The following UNC5C variants were observed in gnomAD, a reference collection of about 807,000 sequenced individuals.
UNC5C encodes the protein netrin receptor UNC5C.
In UNC5C, 47 loss-of-function variants were observed where a neutral mutation model predicts 99.8. The ratio of observed to expected loss-of-function variants is 0.47; its 90% confidence interval spans 0.37 to 0.60. The LOEUF (loss-of-function observed/expected upper bound fraction) is 0.60. Ranked by LOEUF, UNC5C falls within the 20% of genes least tolerant of loss-of-function variation. The pLI, the probability that UNC5C is intolerant of heterozygous loss-of-function variation, is 0.00. For synonymous variants in UNC5C, 487 were observed against 452.2 expected (o/e 1.08, Z -0.98); for missense variants, 1,062 against 1,165.9 (o/e 0.91, Z 1.30).
chr4:95,213,667 C>A (rs974770837), intron 10 of UNC5C, among the ~76,000 whole-genome samples: 1 of 152,194 alleles, frequency 6.6e-6, no homozygotes, highest in Non-Finnish European at 1.5e-5. Context: ...GAAACATACC[C>A]AGTTTGGGAT....
rs146932015 is a variant in UNC5C at position 95,170,270 on chromosome 4, C to A, written c.2514G>T (p.Gly838=). 5.0e-6 allele frequency: 8 copies of A among 1,614,118 alleles called. No individual in the cohort carries two copies. Among genetic ancestry groups the A allele is most frequent in the African/African-American group, 1.3e-5 (1 of 75,016 alleles). ...DPANTITTVT[G]PSAFSIPLPI... ...GGAGAGGGATGCTGAAAGCACTGGG[C>A]CCCGTGACCGTGGTGATGGTGTTCG... Residue 838 remains glycine (G), a synonymous_variant, in exon 15 of 16, where the codon GGG becomes GGT. Coordinates refer to ENST00000453304, the MANE Select transcript of UNC5C (RefSeq NM_003728.4).
At chr4:95,463,322 G>T (rs545941004) in intron 1 of UNC5C, among the ~76,000 whole-genome samples, 9 of 152,254 alleles carry the variant, frequency 5.9e-5, no homozygotes, top group Admixed American at 6.5e-5. Flanking sequence ...GGGCGTTCAG[G>T]AAGAAGTCGT....
chr4:95,245,149 A>G lies in UNC5C; in HGVS notation c.776-5T>C. ...AGGTGGACCAGCCACCGTTGACTGA[A>G]AGGAGGCAAACAGTAAAAAGTGGAT... On this transcript the variant is annotated splice_region_variant and splice_polypyrimidine_tract_variant and intron_variant, in intron 5 of 15. Transcript: ENST00000453304. 1 of 1,610,000 alleles carries G rather than the reference A, an allele frequency of 6.2e-7. No individual in the cohort carries two copies. The highest frequency in any genetic ancestry group is 8.5e-7 in the Non-Finnish European group (1 of 1,178,922).
At chr4:95,196,240 A>G (rs2149357574) in intron 12 of UNC5C, among the ~76,000 whole-genome samples, 1 of 152,316 alleles carries the variant, frequency 6.6e-6, no homozygotes, top group East Asian at 1.9e-4. Context: ...ATGAAAGGAA[A>G]ACACCTTTTT....
intron 3 of UNC5C, among the ~76,000 whole-genome samples, chr4:95,288,249 A>AT (rs1434493392): frequency 3.3e-5 from 5 of 151,586 alleles, no homozygotes; most frequent in Middle Eastern, 3.4e-3. Context: ...TGCCTGGCTA[A>AT]TTTTTTTGTA....
intron 1 of UNC5C, among the ~76,000 whole-genome samples, chr4:95,476,234 G>A (rs184708841): frequency 1.3e-5 from 2 of 152,044 alleles, no homozygotes; most frequent in Non-Finnish European, 2.9e-5. Context: ...CCTATTTTCA[G>A]TGGTTAGTCA....
intron 1 of UNC5C, among the ~76,000 whole-genome samples, chr4:95,369,236 C>T (rs1041780118): frequency 2.0e-5 from 3 of 151,812 alleles, no homozygotes; most frequent in African/African-American, 2.4e-5. Flanking sequence ...GACTTTAATT[C>T]GGTTTTCATA....
rs568702218 is a variant in UNC5C at position 95,477,241 on chromosome 4, C to CAT, written c.124+71491_124+71492dup. Among the ~76,000 whole-genome samples, 51 of 151,020 alleles carry CAT rather than the reference C, an allele frequency of 3.4e-4. 1 individual carries two copies. Among genetic ancestry groups the CAT allele is most frequent in the South Asian group, 1.9e-3 (9 of 4,754 alleles). The stretch of plus-strand genomic sequence containing the variant: ...AGTGATTTTCTTATTCCTTTTGTAT[C>CAT]ATATATATATATAGGCAGGCCACAT... On this transcript the variant is annotated intron_variant, in intron 1 of 15. Transcript: ENST00000453304.
chr4:95,169,511 G>T, intron 15 of UNC5C, 112 bp from the exon 16 acceptor site: 2 of 1,219,174 alleles, frequency 1.6e-6, no homozygotes, highest in Non-Finnish European at 2.3e-6. Context: ...GTCCCATTGT[G>T]GCTGACAGTG....
chr4:95,387,624 T>A (rs537779690), intron 1 of UNC5C, among the ~76,000 whole-genome samples: 1 of 152,324 alleles, frequency 6.6e-6, no homozygotes, highest in Non-Finnish European at 1.5e-5. Context: ...AAATAATGCA[T>A]AATTCATCCT....
intron 1 of UNC5C, among the ~76,000 whole-genome samples, chr4:95,360,385 C>T (rs564562014): frequency 1.6e-4 from 25 of 152,216 alleles, no homozygotes; most frequent in Admixed American, 1.3e-4. Context: ...CAGTAAGACA[C>T]GAATGGCACA....
At chr4:95,314,444 A>G (rs1056974961) in intron 2 of UNC5C, among the ~76,000 whole-genome samples, 1 of 152,334 alleles carries the variant, frequency 6.6e-6, no homozygotes. Flanking sequence ...ATCAAAGTGC[A>G]TAAGGTCTAC....
At chr4:95,475,374 T>G (rs1471231979) in intron 1 of UNC5C, among the ~76,000 whole-genome samples, 1 of 151,914 alleles carries the variant, frequency 6.6e-6, no homozygotes, top group Admixed American at 6.6e-5. Flanking sequence ...AATTTCCCAA[T>G]TTACAAAGGG....
intron 1 of UNC5C, among the ~76,000 whole-genome samples, chr4:95,521,217 C>CTT (rs201147890): frequency 6.7e-5 from 3 of 45,094 alleles, no homozygotes; most frequent in South Asian, 9.9e-4. Flanking sequence ...TTTCTTTTTT[C>CTT]TTTTTTCTTT....
chr4:95,397,994 T>A (rs1453119355), intron 1 of UNC5C, among the ~76,000 whole-genome samples: 2 of 150,436 alleles, frequency 1.3e-5, no homozygotes, highest in Non-Finnish European at 2.9e-5. Context: ...ATTGGCATAT[T>A]TATTGCACCC....
intron 7 of UNC5C, among the ~76,000 whole-genome samples, chr4:95,229,797 CTTTTTTTTTTTTTTTTTTT>C (rs71583694): frequency 1.3e-5 from 1 of 79,534 alleles, no homozygotes; most frequent in Admixed American, 1.3e-4. Context: ...CTGTTGTTTC[CTTTTTTTTTTTTTTTTTTT>C]TTTTTTTTTT....
chr4:95,174,614 G>T (rs543736835), intron 14 of UNC5C, among the ~76,000 whole-genome samples: 1 of 151,746 alleles, frequency 6.6e-6, no homozygotes, highest in South Asian at 2.1e-4. Context: ...GAGATAGTTT[G>T]TTATAATTTC....
chr4:95,183,832 C>A (rs571335454), intron 13 of UNC5C, among the ~76,000 whole-genome samples: 1 of 152,288 alleles, frequency 6.6e-6, no homozygotes, highest in South Asian at 2.1e-4. Flanking sequence ...ATTACTTAAT[C>A]TTTCCATTGC....
intron 1 of UNC5C, among the ~76,000 whole-genome samples, chr4:95,509,185 C>T (rs72876474): frequency 0.023 from 3,461 of 151,746 alleles, 143 homozygotes; most frequent in African/African-American, 0.078. Flanking sequence ...AACTTTGAAG[C>T]CCAGAGAAAA....
Sources: allele counts gnomAD v4.1 joint callset (sites outside exome capture counted in the v4.1 genomes callset), GRCh38; gene constraint gnomAD v4.1.1; transcripts MANE v1.5; gene names NCBI Gene and HGNC (gene_info 2026-07-23, HGNC 2026-07-21).